Variants in CCPG1 observed in about 807,000 individuals in gnomAD.
CCPG1 encodes the protein cell cycle progression protein 1.
CCPG1 carries 46 observed loss-of-function variants against 81.3 expected under a neutral mutation model. The observed-to-expected ratio is 0.57, with a 90% CI of 0.45 to 0.72. The LOEUF (loss-of-function observed/expected upper bound fraction) is 0.72, where lower values mean the gene tolerates loss of function less well. Among genes scored for constraint, CCPG1 ranks in the 30% least tolerant of loss-of-function variants. The probability of loss-of-function intolerance (pLI) is 0.00; values close to 1 mark genes in which losing one functional copy is unlikely to be tolerated. For synonymous variants in CCPG1, 330 were observed against 305.2 expected (o/e 1.08, Z -0.85); for missense variants, 902 against 937.6 (o/e 0.96, Z 0.50).
intron 3 of CCPG1, among the ~76,000 whole-genome samples, chr15:55,381,612 G>C (rs1332228073): frequency 2.0e-5 from 3 of 152,128 alleles, no homozygotes; most frequent in African/African-American, 7.2e-5. Context: ...AAAATTAACA[G>C]CTATAATCTC....
rs559956954 is a variant in CCPG1, at chr15:55,356,085, TAA to T, written c.*133_*134del. On this transcript the variant is annotated 3_prime_UTR_variant, in exon 9 of 9. Coordinates refer to ENST00000442196, the MANE Select transcript of CCPG1 (RefSeq NM_001204450.2). ...TAACTAATGCTTCTGAGGAATAATA[TAA>T]AGTTATCAAACTGATACTTAGAAAC... is the stretch of plus-strand genomic sequence containing the variant. 2.3e-3 allele frequency: 1,590 copies of T among 687,704 alleles called. 6 individuals are homozygous for T. The highest frequency in any genetic ancestry group is 3.1e-3 in the Non-Finnish European group (1,354 of 431,194). The allele number at this position is 687,704 out of a possible 1,614,324, so 42.6% of individuals were successfully genotyped here.
rs1485749188 is a variant in CCPG1 at position 55,356,159 on chromosome 15, C to T, written c.*61G>A. 1 of 1,262,568 alleles carries T rather than the reference C, an allele frequency of 7.9e-7. No homozygotes were observed. Among genetic ancestry groups the T allele is most frequent in the East Asian group, 2.6e-5 (1 of 38,444 alleles). The allele number at this position is 1,262,568 out of a possible 1,614,324, so 78.2% of individuals were successfully genotyped here. The stretch of plus-strand genomic sequence containing the variant: ...TTGGTAATTTCATTAGTTTCAATAC[C>T]AAACATTATACAAAGCATAAATTTT... On this transcript the variant is annotated 3_prime_UTR_variant, in exon 9 of 9. Coordinates refer to ENST00000442196, the MANE Select transcript of CCPG1 (RefSeq NM_001204450.2).
At chr15:55,373,642 G>C (rs1043005478) in intron 5 of CCPG1, among the ~76,000 whole-genome samples, 1 of 152,136 alleles carries the variant, frequency 6.6e-6, no homozygotes, top group Non-Finnish European at 1.5e-5. Context: ...TCAGGTGTGA[G>C]ATTATATTTC....
intron 3 of CCPG1, among the ~76,000 whole-genome samples, chr15:55,384,723 T>C (rs2056765531): frequency 6.6e-6 from 1 of 151,862 alleles, no homozygotes; most frequent in Non-Finnish European, 1.5e-5. Flanking sequence ...CACAGAGACA[T>C]GAAGTGGGCA....
intron 5 of CCPG1, among the ~76,000 whole-genome samples, chr15:55,375,622 T>C (rs924989284): frequency 6.6e-6 from 1 of 151,906 alleles, no homozygotes; most frequent in Non-Finnish European, 1.5e-5. Flanking sequence ...TTCATGTTTA[T>C]AGGCAAACCA....
rs150728142 is a variant in CCPG1, at chr15:55,379,885, G to A, written c.176-1509C>T. On this transcript the variant is annotated intron_variant, in intron 3 of 8. Coordinates refer to ENST00000442196, the MANE Select transcript of CCPG1 (RefSeq NM_001204450.2). ...AGGCCAATGCAGGTGAATCACCTGAGGTCAGGAGTTTGAGACCAGCCTGGC... is the reference window on the plus strand; with the variant it reads ...AGGCCAATGCAGGTGAATCACCTGAAGTCAGGAGTTTGAGACCAGCCTGGC... Among the ~76,000 whole-genome samples the A allele has an allele frequency of 3.2e-3, 491 of 152,074 alleles. 1 individual carries two copies. Among genetic ancestry groups the A allele is most frequent in the African/African-American group, 0.011 (463 of 41,480 alleles).
intron 2 of CCPG1, among the ~76,000 whole-genome samples, chr15:55,387,656 T>C (rs1354087060): frequency 6.6e-6 from 1 of 151,778 alleles, no homozygotes; most frequent in African/African-American, 2.4e-5. Flanking sequence ...GCGATTGTCC[T>C]GCCTCAACCT....
Position 55,360,424 on chromosome 15 carries a change from C to T in CCPG1, c.1349G>A (p.Arg450Lys). The T allele has an allele frequency of 6.2e-7, 1 of 1,613,866 alleles. No homozygotes were observed. The highest frequency in any genetic ancestry group is 8.5e-7 in the Non-Finnish European group (1 of 1,180,020). ...FEQQRSDLWE[R>K]LYVEAKDQNG... Reference sequence around the variant, plus strand: ...TTGATCTTTTGCCTCAACATACAATCTTTCCCACAAATCAGAACGCTGCTG... The same window carrying T: ...TTGATCTTTTGCCTCAACATACAATTTTTCCCACAAATCAGAACGCTGCTG... The change falls in exon 8 of 9, where the codon AGA becomes AAA. Residue 450 changes from arginine (R) to lysine (K), a missense_variant. Arg to Lys is a conservative substitution (Grantham distance 26). This residue lies in a region of CCPG1 where 746 missense variants were observed against 728.6 expected (regional missense o/e 1.02). Coordinates refer to ENST00000442196, the MANE Select transcript of CCPG1 (RefSeq NM_001204450.2).
intron 1 of CCPG1, among the ~76,000 whole-genome samples, chr15:55,397,151 T>C (rs1372372854): frequency 6.6e-6 from 1 of 151,946 alleles, no homozygotes; most frequent in African/African-American, 2.4e-5. Flanking sequence ...GAGGCGGAGC[T>C]TGCAGTGAGC....
intron 1 of CCPG1, among the ~76,000 whole-genome samples, chr15:55,403,233 A>G (rs1397692230): frequency 1.3e-5 from 2 of 152,222 alleles, no homozygotes; most frequent in Non-Finnish European, 2.9e-5. Flanking sequence ...GCTATTATTT[A>G]CAAATTCCAA....
chr15:55,358,232 C>G (rs1422651401), intron 8 of CCPG1: 1 of 342,280 alleles, frequency 2.9e-6, no homozygotes, highest in Non-Finnish European at 4.1e-6. Context: ...ATAGTAAGAA[C>G]AAACCTATGT....
At chr15:55,401,232 A>G (rs2057123433) in intron 1 of CCPG1, among the ~76,000 whole-genome samples, 1 of 152,142 alleles carries the variant, frequency 6.6e-6, no homozygotes, top group African/African-American at 2.4e-5. Context: ...AGTCCCACAC[A>G]TTTATTAATC....
chr15:55,390,781 C>T (rs1354783973), intron 1 of CCPG1, among the ~76,000 whole-genome samples: 1 of 151,974 alleles, frequency 6.6e-6, no homozygotes, highest in African/African-American at 2.4e-5. Context: ...AAAGGTTGGT[C>T]GCTAATAGTA....
chr15:55,378,202 C>T, intron 4 of CCPG1, 98 bp downstream of exon 4: 1 of 686,344 alleles, frequency 1.5e-6, no homozygotes, highest in Non-Finnish European at 2.3e-6. Context: ...GCTTATAATT[C>T]AAAATAGGAA....
chr15:55,389,505 A>C (rs1349441090), intron 1 of CCPG1, 72 bp from the exon 2 acceptor site: 11 of 1,042,358 alleles, frequency 1.1e-5, no homozygotes, highest in Admixed American at 3.7e-5. Flanking sequence ...TATATGTGAC[A>C]CTAAGTTTGA....
intron 1 of CCPG1, among the ~76,000 whole-genome samples, chr15:55,398,937 G>A (rs1374428721): frequency 6.6e-6 from 1 of 152,064 alleles, no homozygotes; most frequent in African/African-American, 2.4e-5. Flanking sequence ...TATTTTAAAT[G>A]AGCCTATCCT....
At chr15:55,393,936 C>T (rs1304810681) in intron 1 of CCPG1, among the ~76,000 whole-genome samples, 2 of 152,170 alleles carry the variant, frequency 1.3e-5, no homozygotes, top group South Asian at 2.1e-4. Flanking sequence ...CGCTAGGGCC[C>T]GCCACCACAC....
chr15:55,404,330 G>C (rs2057177141), intron 1 of CCPG1, among the ~76,000 whole-genome samples: 1 of 152,028 alleles, frequency 6.6e-6, no homozygotes, highest in South Asian at 2.1e-4. Flanking sequence ...ATTTTTAAGG[G>C]CTGATAGTAG....
At chr15:55,366,726 C>T (rs1264459509) in intron 6 of CCPG1, among the ~76,000 whole-genome samples, 13 of 152,076 alleles carry the variant, frequency 8.5e-5, no homozygotes, top group African/African-American at 2.9e-4. Context: ...GAGCCAAGAT[C>T]GCGCCACTGC....
Sources: allele counts gnomAD v4.1 joint callset (sites outside exome capture counted in the v4.1 genomes callset), GRCh38; gene constraint gnomAD v4.1.1; regional missense constraint gnomAD v4.1.1; transcripts MANE v1.5; gene names NCBI Gene and HGNC (gene_info 2026-07-23, HGNC 2026-07-21).